AGAP1: variants seen among roughly 807,000 people sequenced by gnomAD.
AGAP1 encodes the protein ArfGAP with GTPase domain, ankyrin repeat and PH domain 1.
A neutral mutation model predicts 105.3 loss-of-function variants in AGAP1; 29 were observed. The ratio of observed to expected loss-of-function variants is 0.28; its 90% confidence interval spans 0.21 to 0.38. The LOEUF (loss-of-function observed/expected upper bound fraction) is 0.38. Ranked by LOEUF, AGAP1 falls within the 10% of genes least tolerant of loss-of-function variation. The probability of loss-of-function intolerance (pLI) is 1.00; values close to 1 mark genes in which losing one functional copy is unlikely to be tolerated. For missense variants in AGAP1, 998 were observed against 1,165.1 expected (o/e 0.86, Z 2.09); for synonymous variants, 509 against 485.9 (o/e 1.05, Z -0.63).
At chr2:236,108,428 G>A (rs1405249112) in intron 16 of AGAP1, among the ~76,000 whole-genome samples, 1 of 152,120 alleles carries the variant, frequency 6.6e-6, no homozygotes, top group Non-Finnish European at 1.5e-5. Context: ...GTCCCCTCCA[G>A]TGTCTGCTCC....
chr2:236,058,437 A>G lies in AGAP1; in HGVS notation c.2114+9156A>G, dbSNP rs138666483. Reference sequence around the variant, plus strand: ...TGGTTCGACACGCAAAAATCAATCAATGTGATATACCACATTAATACAGTA... The same window carrying G: ...TGGTTCGACACGCAAAAATCAATCAGTGTGATATACCACATTAATACAGTA... On this transcript the variant is annotated intron_variant, in intron 16 of 17. Transcript: ENST00000304032. This position sits in a 1 kb window ranked among gnomAD's most constrained non-coding sequence, Gnocchi z 4.6. Among the ~76,000 whole-genome samples, 234 of 152,342 alleles carry G rather than the reference A, an allele frequency of 1.5e-3. 3 individuals carry two copies. Among genetic ancestry groups the G allele is most frequent in the African/African-American group, 5.2e-3 (216 of 41,574 alleles).
chr2:235,628,641 G>T (rs1946720961), intron 1 of AGAP1, among the ~76,000 whole-genome samples: 2 of 151,716 alleles, frequency 1.3e-5, no homozygotes, highest in South Asian at 4.1e-4. Context: ...TTTTCCATAG[G>T]TTATTGGGGA....
At chr2:235,693,652 G>A (rs921367328) in intron 1 of AGAP1, among the ~76,000 whole-genome samples, 18 of 152,182 alleles carry the variant, frequency 1.2e-4, no homozygotes, top group African/African-American at 4.1e-4. Context: ...TCAGGAGTTC[G>A]AGTGCAGCCT....
At chr2:235,570,818 G>A (rs1944488400) in intron 1 of AGAP1, among the ~76,000 whole-genome samples, 1 of 152,232 alleles carries the variant, frequency 6.6e-6, no homozygotes, top group East Asian at 1.9e-4. Context: ...ACTACGTGTA[G>A]GTGATTAGGC....
In AGAP1 at chr2:235,714,285, G is replaced by GCT. The variant is rs1243027805; in HGVS notation, c.223-3272_223-3271insCT. On this transcript the variant is annotated intron_variant, in intron 2 of 17. Coordinates refer to ENST00000304032, the MANE Select transcript of AGAP1 (RefSeq NM_001037131.3). The surrounding 1 kb of genome is among the most constrained non-coding windows in gnomAD (Gnocchi z 4.1). ...CCTGCCTCGGCCTCCCAAAGTGCTG[G>GCT]GATTACAGGCGTGAGCCACCATGCC... is the stretch of plus-strand genomic sequence containing the variant. Among the ~76,000 whole-genome samples, 247 of 152,132 alleles carry GCT rather than the reference G, an allele frequency of 1.6e-3. No individual in the cohort carries two copies. The highest frequency in any genetic ancestry group is 5.7e-3 in the African/African-American group (237 of 41,510).
rs1419191432 is a variant in AGAP1 at position 235,502,660 on chromosome 2, TG to T, written c.163+7813del. On this transcript the variant is annotated intron_variant, in intron 1 of 17. Transcript: ENST00000304032. ...AATCTTTAAAACTGCTCATGCCGTC[TG>T]GTTGTCATTAGCATCATGGTTAGAA... Among the ~76,000 whole-genome samples the T allele has an allele frequency of 7.9e-5, 12 of 151,872 alleles. No homozygotes were observed. In the East Asian group the frequency reaches 2.1e-3, roughly 27 times the overall value.
intron 1 of AGAP1, among the ~76,000 whole-genome samples, chr2:235,687,575 G>T (rs183617463): frequency 7.0e-4 from 107 of 152,310 alleles, no homozygotes; most frequent in Non-Finnish European, 4.9e-4. Context: ...AGTTTAATTT[G>T]ATAAACATGC....
chr2:236,074,275 C>T (rs190743145), intron 16 of AGAP1, among the ~76,000 whole-genome samples: 23 of 151,796 alleles, frequency 1.5e-4, no homozygotes, highest in Non-Finnish European at 2.6e-4. Flanking sequence ...AGAAGACCCC[C>T]GGGGAGCCCC....
chr2:235,735,165 G>T (rs371877970), intron 3 of AGAP1, among the ~76,000 whole-genome samples: 1 of 152,232 alleles, frequency 6.6e-6, no homozygotes, highest in South Asian at 2.1e-4. Flanking sequence ...AGACGATGGC[G>T]TTGGAAGGCA....
In AGAP1 at chr2:235,970,070, C is replaced by A. The variant is rs2125352423; in HGVS notation, c.1645+1447C>A. ...TACAAAAATTAGCTGGATGTGGTGG[C>A]ACATGCCTGTAATCCCAGCTACCTG... On this transcript the variant is annotated intron_variant, in intron 13 of 17. Transcript: ENST00000304032. This position sits in a 1 kb window ranked among gnomAD's most constrained non-coding sequence, Gnocchi z 5.4. Among the ~76,000 whole-genome samples the A allele has an allele frequency of 6.6e-6, 1 of 152,084 alleles. No individual in the cohort carries two copies. Among genetic ancestry groups the A allele is most frequent in the East Asian group, 1.9e-4 (1 of 5,156 alleles).
chr2:235,771,486 G>T (rs947477233), intron 6 of AGAP1, among the ~76,000 whole-genome samples: 1 of 152,204 alleles, frequency 6.6e-6, no homozygotes, highest in South Asian at 2.1e-4. Context: ...CAAAGATGAC[G>T]GGCGTGGCTT....
chr2:236,029,247 G>A (rs1434103132), intron 13 of AGAP1, among the ~76,000 whole-genome samples: 1 of 149,262 alleles, frequency 6.7e-6, no homozygotes. Flanking sequence ...TCACAAACCT[G>A]CCTTCTAGGA....
At chr2:235,909,377 T>C (rs1489340475) in intron 11 of AGAP1, among the ~76,000 whole-genome samples, 1 of 152,234 alleles carries the variant, frequency 6.6e-6, no homozygotes, top group East Asian at 1.9e-4. Flanking sequence ...AATGCAACTT[T>C]AGTTCTCTGT....
rs1016594477 is a variant in AGAP1, at chr2:235,615,367, A to G, written c.164-93812A>G. On this transcript the variant is annotated intron_variant, in intron 1 of 17. Coordinates refer to ENST00000304032, the MANE Select transcript of AGAP1 (RefSeq NM_001037131.3). This position sits in a 1 kb window ranked among gnomAD's most constrained non-coding sequence, Gnocchi z 5.0. ...TGAGGAGCTTGCCAGTATTGTTACA[A>G]TTGGAGTGATCTCATATGACCAAAA... is the stretch of plus-strand genomic sequence containing the variant. 3.9e-5 allele frequency among the ~76,000 whole-genome samples: 6 copies of G among 152,206 alleles called. No individual in the cohort carries two copies. The highest frequency in any genetic ancestry group is 2.4e-5 in the African/African-American group (1 of 41,454).
At chr2:235,954,536 G>A (rs1010245880) in intron 12 of AGAP1, among the ~76,000 whole-genome samples, 17 of 149,184 alleles carry the variant, frequency 1.1e-4, no homozygotes, top group African/African-American at 3.7e-4. Flanking sequence ...CTTGCATCTC[G>A]TATGTTACGG....
At chr2:235,952,755 A>G (rs964822191) in intron 12 of AGAP1, among the ~76,000 whole-genome samples, 4 of 146,438 alleles carry the variant, frequency 2.7e-5, no homozygotes, top group Middle Eastern at 3.5e-3. Flanking sequence ...CGAGTGTGCC[A>G]TCAAGATGGT....
chr2:235,881,756 A>G (rs2050035353), intron 9 of AGAP1, among the ~76,000 whole-genome samples: 1 of 152,244 alleles, frequency 6.6e-6, no homozygotes, highest in African/African-American at 2.4e-5. Context: ...TGGTGTTAAA[A>G]CAAGAAGAAA....
At chr2:235,522,237 G>A (rs1942650930) in intron 1 of AGAP1, among the ~76,000 whole-genome samples, 1 of 152,198 alleles carries the variant, frequency 6.6e-6, no homozygotes, top group African/African-American at 2.4e-5. Flanking sequence ...TGTGGACAGG[G>A]AGTCCAGATG....
In AGAP1 at chr2:236,012,050, T is replaced by C. The variant is rs981186784; in HGVS notation, c.1646-24511T>C. Among the ~76,000 whole-genome samples, 5 of 152,168 alleles carry C rather than the reference T, an allele frequency of 3.3e-5. No homozygotes were observed. The highest frequency in any genetic ancestry group is 7.3e-5 in the Non-Finnish European group (5 of 68,030). ...AGCAATCAATGCCCCCGGAGACCGATGCACATATCAGGACCTTGGTATCAG... is the reference window on the plus strand; with the variant it reads ...AGCAATCAATGCCCCCGGAGACCGACGCACATATCAGGACCTTGGTATCAG... On this transcript the variant is annotated intron_variant, in intron 13 of 17. Transcript: ENST00000304032. The surrounding 1 kb of genome is among the most constrained non-coding windows in gnomAD (Gnocchi z 4.9).
Sources: allele counts gnomAD v4.1 joint callset (sites outside exome capture counted in the v4.1 genomes callset), GRCh38; gene constraint gnomAD v4.1.1; non-coding constraint Gnocchi (gnomAD v3.1); transcripts MANE v1.5; gene names NCBI Gene and HGNC (gene_info 2026-07-23, HGNC 2026-07-21).